Variants in SLC6A11 observed in about 807,000 individuals in gnomAD.
SLC6A11 encodes the protein sodium- and chloride-dependent GABA transporter 3.
Under a neutral mutation model 74.8 loss-of-function variants are expected in SLC6A11, and 25 were observed. That is an observed-to-expected ratio of 0.33 (90% CI 0.24 to 0.47). The LOEUF (loss-of-function observed/expected upper bound fraction) is 0.47, where lower values mean the gene tolerates loss of function less well. Ranked by LOEUF, SLC6A11 falls within the 20% of genes least tolerant of loss-of-function variation. The pLI, the probability that SLC6A11 is intolerant of heterozygous loss-of-function variation, is 1.00. For missense variants in SLC6A11, 574 were observed against 837.0 expected (o/e 0.69, Z 3.88); for synonymous variants, 330 against 330.2 (o/e 1.00, Z 0.01).
At chr3:10,930,019 CA>C (rs535987157) in intron 10 of SLC6A11, among the ~76,000 whole-genome samples, 1 of 151,048 alleles carries the variant, frequency 6.6e-6, no homozygotes, top group African/African-American at 2.4e-5. Context: ...AATTTAAAAA[CA>C]AAAAAAAGAA....
intron 5 of SLC6A11, among the ~76,000 whole-genome samples, chr3:10,874,745 C>T (rs1694887221): frequency 6.6e-6 from 1 of 152,108 alleles, no homozygotes; most frequent in Non-Finnish European, 1.5e-5. Flanking sequence ...TTTTAGGTAC[C>T]TCACATGAGT....
At chr3:10,937,482 A>G (rs1457815895) in intron 13 of SLC6A11, among the ~76,000 whole-genome samples, 1 of 152,374 alleles carries the variant, frequency 6.6e-6, no homozygotes, top group East Asian at 1.9e-4. Flanking sequence ...CCAGCCACCC[A>G]AAAGACTTTG....
chr3:10,919,142 C>A (rs1470446889), intron 8 of SLC6A11, among the ~76,000 whole-genome samples: 1 of 152,102 alleles, frequency 6.6e-6, no homozygotes, highest in Non-Finnish European at 1.5e-5. Context: ...AGTGTGACAG[C>A]CTTAAGTATA....
intron 12 of SLC6A11, 73 bp from the exon 13 acceptor site, chr3:10,934,956 G>C (rs1445683433): frequency 7.4e-7 from 1 of 1,344,024 alleles, no homozygotes; most frequent in Non-Finnish European, 1.0e-6. Context: ...GTCTGTTCCT[G>C]GGCCTCAGAC....
intron 8 of SLC6A11, among the ~76,000 whole-genome samples, chr3:10,921,582 A>G (rs1695537873): frequency 6.6e-6 from 1 of 152,240 alleles, no homozygotes; most frequent in Non-Finnish European, 1.5e-5. Context: ...ATAAGCAAAG[A>G]AAAACAGAAA....
chr3:10,863,881 T>G lies in SLC6A11; in HGVS notation c.757-11080T>G, dbSNP rs75206307. Among the ~76,000 whole-genome samples the G allele has an allele frequency of 1.4e-4, 22 of 152,244 alleles. No individual in the cohort carries two copies. The East Asian group carries it at 4.3e-3, about 29-fold the overall frequency. On this transcript the variant is annotated intron_variant, in intron 5 of 13. Coordinates refer to ENST00000254488, the MANE Select transcript of SLC6A11 (RefSeq NM_014229.3). ...ACTCCCGAGGGGTCCGTTCGGGGCTTCGGAGTTGAATGGCTCTGAGCTTGA... is the reference window on the plus strand; with the variant it reads ...ACTCCCGAGGGGTCCGTTCGGGGCTGCGGAGTTGAATGGCTCTGAGCTTGA...
intron 6 of SLC6A11, among the ~76,000 whole-genome samples, chr3:10,879,518 C>T (rs1694949689): frequency 6.6e-6 from 1 of 152,150 alleles, no homozygotes; most frequent in Admixed American, 6.5e-5. Flanking sequence ...GGCTCCTAGC[C>T]TCTAGGGGGC....
intron 8 of SLC6A11, among the ~76,000 whole-genome samples, chr3:10,924,946 CAT>C (rs1172255494): frequency 2.0e-5 from 3 of 152,316 alleles, no homozygotes; most frequent in Admixed American, 6.5e-5. Context: ...GAACGTTAAA[CAT>C]ATGATTGCCA....
chr3:10,885,369 C>T (rs573182754), intron 6 of SLC6A11, among the ~76,000 whole-genome samples: 32 of 152,198 alleles, frequency 2.1e-4, no homozygotes, highest in Admixed American at 1.8e-3. Context: ...CTCTGCCTCC[C>T]CTATAAATCT....
intron 5 of SLC6A11, among the ~76,000 whole-genome samples, chr3:10,857,915 C>G (rs963288186): frequency 2.6e-5 from 4 of 152,172 alleles, no homozygotes; most frequent in African/African-American, 9.7e-5. Context: ...TGTAAATGCT[C>G]GAGCACACAA....
intron 6 of SLC6A11, among the ~76,000 whole-genome samples, chr3:10,897,288 G>A (rs1382629702): frequency 6.6e-6 from 1 of 152,078 alleles, no homozygotes; most frequent in African/African-American, 2.4e-5. Context: ...AACCAATCAT[G>A]CCTTCCCAAC....
At chr3:10,834,028 G>T (rs941418604) in intron 4 of SLC6A11, among the ~76,000 whole-genome samples, 5 of 152,316 alleles carry the variant, frequency 3.3e-5, no homozygotes, top group Middle Eastern at 6.8e-3. Flanking sequence ...CCTGCACAGG[G>T]CCCTCTAAGC....
chr3:10,819,759 T>A lies in SLC6A11; in HGVS notation c.439T>A (p.Tyr147Asn). ...GATTGAGGCCCATCTGAATGTGTAC[T>A]ACATCATCATCCTGGCATGGGCCAT... ...QVIEAHLNVY[Y>N]IIILAWAIFY... Residue 147 changes from tyrosine (Y) to asparagine (N), a missense_variant, in exon 3 of 14, where the codon TAC (tyrosine) becomes AAC (asparagine). Physicochemically the swap from Tyr to Asn is moderately radical, Grantham distance 143 (BLOSUM62 -2). Coordinates refer to ENST00000254488, the MANE Select transcript of SLC6A11 (RefSeq NM_014229.3). The A allele has an allele frequency of 6.2e-7, 1 of 1,614,224 alleles. No individual in the cohort carries two copies. Among genetic ancestry groups the A allele is most frequent in the Non-Finnish European group, 8.5e-7 (1 of 1,180,004 alleles).
At chr3:10,873,714 T>C (rs1158925203) in intron 5 of SLC6A11, among the ~76,000 whole-genome samples, 1 of 149,502 alleles carries the variant, frequency 6.7e-6, no homozygotes, top group Non-Finnish European at 1.5e-5. Context: ...TATCCTATCC[T>C]ATCCTATCCT....
chr3:10,862,050 C>T (rs1694708818), intron 5 of SLC6A11, among the ~76,000 whole-genome samples: 1 of 152,136 alleles, frequency 6.6e-6, no homozygotes, highest in African/African-American at 2.4e-5. Context: ...TCCACAACTC[C>T]ATCCCAAGTG....
chr3:10,858,408 G>GT (rs989999507), intron 5 of SLC6A11, among the ~76,000 whole-genome samples: 1 of 152,154 alleles, frequency 6.6e-6, no homozygotes, highest in Admixed American at 6.6e-5. Flanking sequence ...AAGCAGGAGA[G>GT]TTTTTTTGCT....
intron 6 of SLC6A11, among the ~76,000 whole-genome samples, chr3:10,901,106 A>C (rs1022344700): frequency 1.3e-5 from 2 of 152,180 alleles, no homozygotes; most frequent in Non-Finnish European, 2.9e-5. Context: ...AGCTTGGCCT[A>C]AACTGTCTTT....
chr3:10,842,325 A>G (rs1694449033), intron 4 of SLC6A11, among the ~76,000 whole-genome samples: 1 of 152,048 alleles, frequency 6.6e-6, no homozygotes, highest in Non-Finnish European at 1.5e-5. Context: ...GTGTATGAGA[A>G]CTCCTTGGGG....
At position 10,816,311 on chromosome 3, in the gene SLC6A11, G is replaced by A. The variant is rs1694055026; in HGVS notation, c.46G>A (p.Glu16Lys). 3 of 1,409,244 alleles carry A rather than the reference G, an allele frequency of 2.1e-6. No individual in the cohort carries two copies. Among genetic ancestry groups the A allele is most frequent in the East Asian group, 3.1e-5 (1 of 32,456 alleles). The allele number at this position is 1,409,244 out of a possible 1,614,324, so 87.3% of individuals were successfully genotyped here. A position where few individuals can be genotyped will look rare whatever the true frequency, so the allele number is the denominator to read the frequency against. The change falls in exon 1 of 14, where the codon GAG becomes AAG. Residue 16 changes from glutamate (E) to lysine (K), a missense_variant. Around this residue, in one of 4 missense-constraint regions of SLC6A11, gnomAD observed 86 missense variants for 87.4 expected, o/e 0.98. Coordinates refer to ENST00000254488, the MANE Select transcript of SLC6A11 (RefSeq NM_014229.3). This position sits in a 1 kb window ranked among gnomAD's most constrained non-coding sequence, Gnocchi z 4.2. ...ALPLGNGKAAEEARESEAPGG... is the reference protein window; with the variant it reads ...ALPLGNGKAAKEARESEAPGG... ...GCCCCTGGGCAATGGGAAGGCTGCT[G>A]AGGAGGCGCGGGAGTCCGAGGCGCC...
Sources: allele counts gnomAD v4.1 joint callset (sites outside exome capture counted in the v4.1 genomes callset), GRCh38; gene constraint gnomAD v4.1.1; regional missense constraint gnomAD v4.1.1; non-coding constraint Gnocchi (gnomAD v3.1); transcripts MANE v1.5; gene names NCBI Gene and HGNC (gene_info 2026-07-23, HGNC 2026-07-21).